Variants in RUVBL1 observed in about 807,000 individuals in gnomAD.
The protein encoded by RUVBL1 is RuvB like AAA ATPase 1.
Under a neutral mutation model 52.4 loss-of-function variants are expected in RUVBL1, and 4 were observed. The observed-to-expected ratio is 0.08, with a 90% CI of 0.04 to 0.17. RUVBL1 has a LOEUF of 0.17. Ranked by LOEUF, RUVBL1 falls within the 10% of genes least tolerant of loss-of-function variation. The pLI is 1.00. For missense variants in RUVBL1, 298 were observed against 572.8 expected (o/e 0.52, Z 4.90); for synonymous variants, 217 against 214.4 (o/e 1.01, Z -0.10).
At chr3:128,129,632 T>C (rs911210416) in intron 1 of RUVBL1, among the ~76,000 whole-genome samples, 1 of 152,150 alleles carries the variant, frequency 6.6e-6, no homozygotes, top group African/African-American at 2.4e-5. Flanking sequence ...TAAGCATCCA[T>C]TGACAGATAA....
chr3:128,136,967 T>C (rs935780760), intron 1 of RUVBL1, among the ~76,000 whole-genome samples: 1 of 151,452 alleles, frequency 6.6e-6, no homozygotes, highest in African/African-American at 2.4e-5. Context: ...TAATCTGCTA[T>C]AGACCAAATG....
chr3:128,143,203 C>T (rs1944056348), intron 1 of RUVBL1, among the ~76,000 whole-genome samples: 1 of 147,674 alleles, frequency 6.8e-6, no homozygotes, highest in Non-Finnish European at 1.5e-5. Context: ...GACAGAGTCT[C>T]GCTCTGTTGC....
chr3:128,143,165 C>G (rs1272599126), intron 1 of RUVBL1, among the ~76,000 whole-genome samples: 1 of 137,402 alleles, frequency 7.3e-6, no homozygotes, highest in Non-Finnish European at 1.5e-5. Context: ...ATCTCAAGAC[C>G]CTTATCTATT....
chr3:128,102,379 C>G (rs985036672), intron 4 of RUVBL1, among the ~76,000 whole-genome samples: 5 of 152,254 alleles, frequency 3.3e-5, no homozygotes, highest in African/African-American at 1.2e-4. Flanking sequence ...ATTTGCGGAA[C>G]TGTTGCTTTT....
chr3:128,147,053 C>T (rs1356525838), intron 1 of RUVBL1, among the ~76,000 whole-genome samples: 1 of 152,206 alleles, frequency 6.6e-6, no homozygotes, highest in South Asian at 2.1e-4. Flanking sequence ...GATACCACAA[C>T]ACACCTATTG....
chr3:128,072,591 C>T (rs1294272745), intron 9 of RUVBL1, among the ~76,000 whole-genome samples: 1 of 152,116 alleles, frequency 6.6e-6, no homozygotes, highest in African/African-American at 2.4e-5. Flanking sequence ...CGCGCTCCCT[C>T]TGCACCTGCT....
At chr3:128,080,716 C>A (rs1266453373), downstream of RUVBL1, among the ~76,000 whole-genome samples, 1 of 152,168 alleles carries the variant, frequency 6.6e-6, no homozygotes, top group Non-Finnish European at 1.5e-5. Flanking sequence ...GATGTCACAG[C>A]CAAGAGGCAT....
chr3:128,117,063 G>A (rs1243807265), intron 2 of RUVBL1, among the ~76,000 whole-genome samples: 1 of 152,036 alleles, frequency 6.6e-6, no homozygotes, highest in Non-Finnish European at 1.5e-5. Flanking sequence ...TGGCTATCTA[G>A]GTATAGGGTA....
chr3:128,135,590 C>T (rs1477510023), intron 1 of RUVBL1, among the ~76,000 whole-genome samples: 1 of 152,126 alleles, frequency 6.6e-6, no homozygotes, highest in Non-Finnish European at 1.5e-5. Flanking sequence ...ACTAGGATAG[C>T]ATACCCAGCA....
At chr3:128,111,321 G>A (rs1336012791) in intron 3 of RUVBL1, among the ~76,000 whole-genome samples, 1 of 151,942 alleles carries the variant, frequency 6.6e-6, no homozygotes, top group Non-Finnish European at 1.5e-5. Flanking sequence ...CTATGTGCCA[G>A]GAACTGTGTC....
At chr3:128,077,934 C>T (rs1942377908), downstream of RUVBL1, among the ~76,000 whole-genome samples, 1 of 152,218 alleles carries the variant, frequency 6.6e-6, no homozygotes, top group Admixed American at 6.5e-5. Flanking sequence ...TCACCAAGTC[C>T]TCACATGGGT....
intron 1 of RUVBL1, among the ~76,000 whole-genome samples, chr3:128,139,870 T>A (rs920946345): frequency 1.3e-5 from 2 of 152,144 alleles, no homozygotes; most frequent in Admixed American, 1.3e-4. Context: ...CAATAATGGT[T>A]ACAAGAGGCT....
At chr3:128,129,152 C>A (rs1158629471) in intron 1 of RUVBL1, among the ~76,000 whole-genome samples, 1 of 152,118 alleles carries the variant, frequency 6.6e-6, no homozygotes, top group Non-Finnish European at 1.5e-5. Context: ...AATCTGCTAT[C>A]TCAAAAGTCC....
At chr3:128,069,703 G>A (rs199580097) in intron 9 of RUVBL1, 162 of 1,578,652 alleles carry the variant, frequency 1.0e-4, no homozygotes, top group Non-Finnish European at 9.0e-5. Context: ...CTCCAGAAGC[G>A]CCTCGGAAGG....
chr3:128,136,587 C>T (rs1943950340), intron 1 of RUVBL1, among the ~76,000 whole-genome samples: 1 of 139,214 alleles, frequency 7.2e-6, no homozygotes, highest in Admixed American at 7.7e-5. Flanking sequence ...AATCATGCCA[C>T]TGTACTCCAG....
chr3:128,073,848 C>T (rs934339269), intron 9 of RUVBL1, among the ~76,000 whole-genome samples: 3 of 152,150 alleles, frequency 2.0e-5, no homozygotes, highest in Non-Finnish European at 2.9e-5. Flanking sequence ...AAATGCCCAT[C>T]GGAGGGGGCT....
Position 128,067,661 on chromosome 3 carries a change from A to G in RUVBL1, c.940-2441T>C, listed in dbSNP as rs72974047. On this transcript the variant is annotated intron_variant, in intron 9 of 9. Coordinates refer to the RUVBL1 transcript ENST00000464873. This position sits in a 1 kb window ranked among gnomAD's most constrained non-coding sequence, Gnocchi z 4.1. ...GAAGGGTGATGAAAGTGTGACTGGT[A>G]TAAGGGGTGTGGACTTGTCACCTCA... The G allele has an allele frequency of 1.7e-4, 246 of 1,439,398 alleles. 1 individual carries two copies. The African/African-American group carries it at 3.2e-3, about 18-fold the overall frequency. The allele number at this position is 1,439,398 out of a possible 1,614,324, so 89.2% of individuals were successfully genotyped here. A position where few individuals can be genotyped will look rare whatever the true frequency, so the allele number is the denominator to read the frequency against.
At chr3:128,107,802 T>A (rs770922298) in intron 3 of RUVBL1, among the ~76,000 whole-genome samples, 2 of 152,260 alleles carry the variant, frequency 1.3e-5, no homozygotes, top group Non-Finnish European at 2.9e-5. Flanking sequence ...AATCCTGTAC[T>A]TTTAAAGTGA....
intron 1 of RUVBL1, among the ~76,000 whole-genome samples, chr3:128,152,551 T>G (rs1346890997): frequency 1.3e-5 from 2 of 152,166 alleles, no homozygotes; most frequent in Non-Finnish European, 2.9e-5. Context: ...CTGTATTGTT[T>G]GACTTAGCCC....
Sources: allele counts gnomAD v4.1 joint callset (sites outside exome capture counted in the v4.1 genomes callset), GRCh38; gene constraint gnomAD v4.1.1; non-coding constraint Gnocchi (gnomAD v3.1); transcripts MANE v1.5; gene names NCBI Gene and HGNC (gene_info 2026-07-23, HGNC 2026-07-21).